The following HS6ST3 variants were observed in gnomAD, a reference collection of about 807,000 sequenced individuals.
The protein encoded by HS6ST3 is heparan-sulfate 6-O-sulfotransferase 3.
In HS6ST3, 12 loss-of-function variants were observed where a neutral mutation model predicts 36.7. The observed-to-expected ratio is 0.33, with a 90% CI of 0.21 to 0.53. The LOEUF (loss-of-function observed/expected upper bound fraction) is 0.53, where lower values mean the gene tolerates loss of function less well. HS6ST3 is among the 20% of genes least tolerant of loss of function. The probability of loss-of-function intolerance (pLI) is 0.95; values close to 1 mark genes in which losing one functional copy is unlikely to be tolerated. For missense variants in HS6ST3, 584 were observed against 640.9 expected (o/e 0.91, Z 0.96); for synonymous variants, 240 against 257.5 (o/e 0.93, Z 0.65).
Position 96,748,979 on chromosome 13 carries a change from G to T in HS6ST3, c.708-83511G>T, listed in dbSNP as rs910156965. Among the ~76,000 whole-genome samples, 3 of 152,074 alleles carry T rather than the reference G, an allele frequency of 2.0e-5. 1 individual carries two copies. The highest frequency in any genetic ancestry group is 2.0e-4 in the Admixed American group (3 of 15,256). On this transcript the variant is annotated intron_variant, in intron 1 of 1. Coordinates refer to ENST00000376705, the MANE Select transcript of HS6ST3 (RefSeq NM_153456.4). ...TTATACTTCAGTTTAGGAAATAAAT[G>T]TCTCAGTTAAATACTTTTAGCTCGT...
At chr13:96,222,576 G>T (rs2054461268) in intron 1 of HS6ST3, among the ~76,000 whole-genome samples, 1 of 152,230 alleles carries the variant, frequency 6.6e-6, no homozygotes, top group African/African-American at 2.4e-5. Context: ...AGTGGGCTTA[G>T]TTTTGTTACC....
chr13:96,091,520 C>G lies in HS6ST3; in HGVS notation c.658C>G (p.Pro220Ala). 6.3e-7 allele frequency: 1 copy of G among 1,594,684 alleles called. No individual in the cohort carries two copies. The highest frequency in any genetic ancestry group is 8.5e-7 in the Non-Finnish European group (1 of 1,173,928). ...CTGGACGGAGCTCACCAACTGCGTG[C>G]CGGCCATCATGGAGAAGAAGGACTG... The part of the protein sequence containing the change: ...ADWTELTNCV[P>A]AIMEKKDCPR... Residue 220 changes from proline (P) to alanine (A), a missense_variant, in exon 1 of 2, where the codon CCG (proline) becomes GCG (alanine). Transcript: ENST00000376705.
chr13:96,675,272 G>A (rs953678052), intron 1 of HS6ST3, among the ~76,000 whole-genome samples: 3 of 151,662 alleles, frequency 2.0e-5, no homozygotes, highest in African/African-American at 7.3e-5. Context: ...AGAAAATCAA[G>A]AACTACATTT....
chr13:96,637,372 G>A (rs1191509502), intron 1 of HS6ST3, among the ~76,000 whole-genome samples: 1 of 152,136 alleles, frequency 6.6e-6, no homozygotes, highest in African/African-American at 2.4e-5. Context: ...GGATGTTAGA[G>A]TTGAGAAAAA....
At chr13:96,161,043 C>T (rs953139927) in intron 1 of HS6ST3, among the ~76,000 whole-genome samples, 2 of 152,134 alleles carry the variant, frequency 1.3e-5, no homozygotes, top group South Asian at 2.1e-4. Flanking sequence ...TTTATAAATA[C>T]ATATTTGCCA....
At chr13:96,401,101 T>C (rs2055448922) in intron 1 of HS6ST3, among the ~76,000 whole-genome samples, 1 of 152,180 alleles carries the variant, frequency 6.6e-6, no homozygotes, top group African/African-American at 2.4e-5. Context: ...ATTAAAATGA[T>C]GTGGAGACTG....
intron 1 of HS6ST3, among the ~76,000 whole-genome samples, chr13:96,228,235 AT>A (rs1274924463): frequency 1.1e-4 from 17 of 152,178 alleles, no homozygotes; most frequent in African/African-American, 4.1e-4. Flanking sequence ...AAAATTTGAC[AT>A]TTCATATAAT....
rs148955467 is a variant in HS6ST3 at position 96,588,227 on chromosome 13, CT to C, written c.708-244261del. On this transcript the variant is annotated intron_variant, in intron 1 of 1. Transcript: ENST00000376705. ...TTCCACTTTAGACACCTTTTTTTTT[CT>C]TGCTTAACTACTCTAGCTAGCTAGA... 7.2e-3 allele frequency among the ~76,000 whole-genome samples: 810 copies of C among 112,684 alleles called. 5 individuals carry two copies. Among genetic ancestry groups the C allele is most frequent in the African/African-American group, 0.026 (765 of 29,316 alleles). The allele number at this position is 112,684 out of a possible 152,430, so 73.9% of individuals were successfully genotyped here.
chr13:96,294,594 A>G (rs1188464545), intron 1 of HS6ST3, among the ~76,000 whole-genome samples: 1 of 152,064 alleles, frequency 6.6e-6, no homozygotes, highest in African/African-American at 2.4e-5. Context: ...ATTCCAGAGG[A>G]GGAGTTAACT....
At chr13:96,331,837 C>T (rs879053715) in intron 1 of HS6ST3, among the ~76,000 whole-genome samples, 1 of 152,140 alleles carries the variant, frequency 6.6e-6, no homozygotes, top group Non-Finnish European at 1.5e-5. Flanking sequence ...AGCGAGACTC[C>T]GTGGGCGCAG....
At chr13:96,490,165 A>T (rs2138904933) in intron 1 of HS6ST3, among the ~76,000 whole-genome samples, 1 of 152,290 alleles carries the variant, frequency 6.6e-6, no homozygotes, top group East Asian at 1.9e-4. Context: ...ATATTCTTTA[A>T]AATATTTTTG....
intron 1 of HS6ST3, among the ~76,000 whole-genome samples, chr13:96,695,202 G>A (rs1423151373): frequency 6.6e-6 from 1 of 152,092 alleles, no homozygotes; most frequent in Non-Finnish European, 1.5e-5. Context: ...AATATTGAAG[G>A]TGGCTTTCAT....
At chr13:96,662,832 T>C (rs754925442) in intron 1 of HS6ST3, among the ~76,000 whole-genome samples, 61 of 152,280 alleles carry the variant, frequency 4.0e-4, no homozygotes, top group Admixed American at 3.0e-3. Context: ...GGTTAGGGTC[T>C]TTGCTCTTCT....
rs138937160 is a variant in HS6ST3 at position 96,772,127 on chromosome 13, G to A, written c.708-60363G>A. 4.2e-3 allele frequency among the ~76,000 whole-genome samples: 633 copies of A among 152,334 alleles called. 6 individuals carry two copies. Among genetic ancestry groups the A allele is most frequent in the African/African-American group, 0.014 (602 of 41,564 alleles). The stretch of plus-strand genomic sequence containing the variant: ...ATAGAATGCATCTGGCAGCTGAGAC[G>A]TTGGTGTGGGCCTTGGAAATCAAAG... On this transcript the variant is annotated intron_variant, in intron 1 of 1. Coordinates refer to ENST00000376705, the MANE Select transcript of HS6ST3 (RefSeq NM_153456.4).
intron 1 of HS6ST3, among the ~76,000 whole-genome samples, chr13:96,806,952 A>C (rs1208743689): frequency 2.0e-5 from 3 of 152,196 alleles, no homozygotes; most frequent in African/African-American, 7.2e-5. Flanking sequence ...ACGTCATAGA[A>C]GATAAGAGCA....
chr13:96,684,822 C>T (rs1396784657), intron 1 of HS6ST3, among the ~76,000 whole-genome samples: 4 of 151,954 alleles, frequency 2.6e-5, no homozygotes, highest in Admixed American at 6.6e-5. Context: ...GAAGAAGACC[C>T]GCCCAAGCAA....
At chr13:96,690,867 T>C (rs1401382341) in intron 1 of HS6ST3, among the ~76,000 whole-genome samples, 1 of 152,104 alleles carries the variant, frequency 6.6e-6, no homozygotes, top group Non-Finnish European at 1.5e-5. Context: ...ACTATGATTG[T>C]TTTTAAATTT....
intron 1 of HS6ST3, among the ~76,000 whole-genome samples, chr13:96,565,048 C>T (rs963223147): frequency 1.3e-5 from 2 of 151,914 alleles, no homozygotes; most frequent in African/African-American, 4.8e-5. Flanking sequence ...TGAGGAAGAT[C>T]TCAAACATGG....
chr13:96,186,364 A>T (rs1014237380), intron 1 of HS6ST3, among the ~76,000 whole-genome samples: 2 of 152,214 alleles, frequency 1.3e-5, no homozygotes, highest in Non-Finnish European at 2.9e-5. Flanking sequence ...ACTGGCAGAA[A>T]TTCTGGAAGA....
Sources: allele counts gnomAD v4.1 joint callset (sites outside exome capture counted in the v4.1 genomes callset), GRCh38; gene constraint gnomAD v4.1.1; transcripts MANE v1.5; gene names NCBI Gene and HGNC (gene_info 2026-07-23, HGNC 2026-07-21).